DHRS2: variants seen among roughly 807,000 people sequenced by gnomAD.
DHRS2 encodes dehydrogenase/reductase 2, also known as dehydrogenase/reductase SDR family member 2, mitochondrial.
Under a neutral mutation model 26.3 loss-of-function variants are expected in DHRS2, and 29 were observed. That is an observed-to-expected ratio of 1.10 (90% CI 0.82 to 1.50). DHRS2 has a LOEUF of 1.50. Ranked by LOEUF, DHRS2 falls within the 40% of genes most tolerant of loss-of-function variation. The pLI, the probability that DHRS2 is intolerant of heterozygous loss-of-function variation, is 0.00. For synonymous variants in DHRS2, 164 were observed against 151.3 expected (o/e 1.08, Z -0.62); for missense variants, 439 against 367.1 (o/e 1.20, Z -1.60).
intron 4 of DHRS2, chr14:23,642,884 G>C: frequency 2.9e-6 from 1 of 344,968 alleles, no homozygotes; most frequent in Admixed American, 4.4e-5. Context: ...TTCTTTAAAA[G>C]GCCTGAACAT....
chr14:23,645,194 G>C lies in DHRS2; in HGVS notation c.784G>C (p.Asp262His). The C allele has an allele frequency of 6.2e-7, 1 of 1,614,190 alleles. No individual in the cohort carries two copies. Among genetic ancestry groups the C allele is most frequent in the East Asian group, 2.2e-5 (1 of 44,882 alleles). ...AGIVSFLCSP[D>H]ASYVNGENIA... ...AATCGTGTCCTTCCTGTGCTCTCCA[G>C]ATGCCAGCTACGTCAACGGGGAGAA... The change falls in exon 9 of 9, where the codon GAT (aspartate) becomes CAT (histidine). Residue 262 changes from aspartate to histidine, a missense_variant. Coordinates refer to ENST00000250383, the MANE Select transcript of DHRS2 (RefSeq NM_005794.4).
At chr14:23,636,266 GTAAAATGGACCAATCAGCTCTCCA>G (rs1594236288), upstream of DHRS2, 1 of 152,168 alleles carries the variant, frequency 6.6e-6, no homozygotes, top group Non-Finnish European at 1.5e-5. Flanking sequence ...TCAGCTCTCT[GTAAAATGGACCAATCAGCTCTCCA>G]TAAAATGGAC....
chr14:23,638,740 C>T (rs1198055026), intron 1 of DHRS2, 87 bp from the exon 2 acceptor site: 2 of 1,381,644 alleles, frequency 1.4e-6, no homozygotes, highest in Non-Finnish European at 9.8e-7. Context: ...TGTTGCTGGC[C>T]TTGTCTGTCT....
At chr14:23,632,557 G>T (rs1222394598), upstream of DHRS2, among the ~76,000 whole-genome samples, 1 of 152,222 alleles carries the variant, frequency 6.6e-6, no homozygotes, top group Non-Finnish European at 1.5e-5. Flanking sequence ...TTGACACTGA[G>T]TACAGACTGA....
upstream of DHRS2, among the ~76,000 whole-genome samples, chr14:23,634,177 C>T (rs1306666794): frequency 3.4e-5 from 5 of 147,132 alleles, no homozygotes; most frequent in African/African-American, 1.0e-4. Context: ...AAGCGACTCT[C>T]CTGCCTCAGT....
chr14:23,640,204 A>G lies in DHRS2; in HGVS notation c.420+309A>G, dbSNP rs890644520. 72 of 763,044 alleles carry G rather than the reference A, an allele frequency of 9.4e-5. No homozygotes were observed. In the Middle Eastern group the frequency reaches 1.8e-3, roughly 19 times the overall value. 47.3% of individuals were successfully genotyped at this position (763,044 alleles called of 1,614,324 possible). A position where few individuals can be genotyped will look rare whatever the true frequency, so the allele number is the denominator to read the frequency against. Reference sequence around the variant, plus strand: ...CACCACTATTCCAGGCTCTAGGGATACAGCTGTGAATGGTTAGTCAGAGTC... The same window carrying G: ...CACCACTATTCCAGGCTCTAGGGATGCAGCTGTGAATGGTTAGTCAGAGTC... On this transcript the variant is annotated intron_variant, in intron 4 of 8. Coordinates refer to ENST00000250383, the MANE Select transcript of DHRS2 (RefSeq NM_005794.4).
chr14:23,645,184 G>T lies in DHRS2; in HGVS notation c.774G>T (p.Leu258=). The stretch of plus-strand genomic sequence containing the variant: ...ACTGTGCAGGAATCGTGTCCTTCCT[G>T]TGCTCTCCAGATGCCAGCTACGTCA... The part of the protein sequence containing the change: ...SEDCAGIVSF[L]CSPDASYVNG... Residue 258 remains leucine, a synonymous_variant, in exon 9 of 9, where the codon CTG becomes CTT. Transcript: ENST00000250383. 6.2e-7 allele frequency: 1 copy of T among 1,614,168 alleles called. No individual in the cohort carries two copies. Among genetic ancestry groups the T allele is most frequent in the Non-Finnish European group, 8.5e-7 (1 of 1,180,026 alleles).
intron 4 of DHRS2, chr14:23,642,530 C>T (rs1890709505): frequency 1.3e-5 from 2 of 152,364 alleles, no homozygotes; most frequent in African/African-American, 4.8e-5. Context: ...ATCAGGCTGT[C>T]TTCAGTCTTT....
Position 23,640,411 on chromosome 14 carries a change from G to A in DHRS2, c.420+516G>A, listed in dbSNP as rs565611675. 79 of 985,476 alleles carry A rather than the reference G, an allele frequency of 8.0e-5. No individual in the cohort carries two copies. In the South Asian group the frequency reaches 1.9e-3, roughly 23 times the overall value. The allele number at this position is 985,476 out of a possible 1,614,324, so 61.0% of individuals were successfully genotyped here. On this transcript the variant is annotated intron_variant, in intron 4 of 8. Transcript: ENST00000250383. ...AGATCCAGCCATCAGCATTCCGGGG[G>A]CTTAGACATCCCAGCCTGCTGTAAG...
chr14:23,641,601 G>A, intron 4 of DHRS2: 2 of 1,288,874 alleles, frequency 1.6e-6, no homozygotes, highest in Non-Finnish European at 2.0e-6. Flanking sequence ...CCTGTGGGCT[G>A]GTTGGGGTCT....
intron 3 of DHRS2, 43 bp from the exon 4 acceptor site, chr14:23,639,751 C>T: frequency 6.4e-7 from 1 of 1,550,818 alleles, no homozygotes; most frequent in Non-Finnish European, 8.7e-7. Flanking sequence ...AGGGATAGTC[C>T]TCCTCAGGCC....
At chr14:23,633,688 C>G (rs904460107), upstream of DHRS2, among the ~76,000 whole-genome samples, 1 of 152,188 alleles carries the variant, frequency 6.6e-6, no homozygotes. Context: ...CCTCTGCTTC[C>G]TGGCTAGGAT....
In DHRS2 at chr14:23,638,613, T is replaced by C. The variant is rs1890464329; in HGVS notation, c.-38-214T>C. 6.5e-6 allele frequency: 3 copies of C among 460,436 alleles called. No individual in the cohort carries two copies. The South Asian group carries it at 8.1e-5, about 12-fold the overall frequency. 28.5% of individuals were successfully genotyped at this position (460,436 alleles called of 1,614,324 possible). On this transcript the variant is annotated intron_variant, in intron 1 of 8. Transcript: ENST00000250383. ...CTAATGAATGTTGAGTCTCACATTT[T>C]AATTTGTGAATAATTTCCCCAGTTT... is the stretch of plus-strand genomic sequence containing the variant.
At chr14:23,643,345 T>A (rs1890746173) in intron 5 of DHRS2, 126 bp downstream of exon 5, 1 of 835,996 alleles carries the variant, frequency 1.2e-6, no homozygotes, top group Non-Finnish European at 1.9e-6. Context: ...ACATCCCTCA[T>A]CTTCTTGTCC....
chr14:23,644,371 C>T (rs888797113), intron 6 of DHRS2, 38 bp from the exon 7 acceptor site: 5 of 1,611,074 alleles, frequency 3.1e-6, no homozygotes, highest in Non-Finnish European at 4.2e-6. Flanking sequence ...TTCCCCCACT[C>T]TCCCATATCC....
chr14:23,642,292 C>T (rs988869018), intron 4 of DHRS2: 1 of 379,726 alleles, frequency 2.6e-6, no homozygotes, highest in East Asian at 1.6e-4. Context: ...ATGCTGTGAA[C>T]TGTAGGCACC....
rs1890793399 is a variant in DHRS2 at position 23,644,460 on chromosome 14, A to G, written c.592A>G (p.Thr198Ala). The G allele has an allele frequency of 2.5e-6, 4 of 1,614,196 alleles. No individual in the cohort carries two copies. Among genetic ancestry groups the G allele is most frequent in the Non-Finnish European group, 3.4e-6 (4 of 1,180,042 alleles). The change falls in exon 7 of 9, where the codon ACA (threonine) becomes GCA (alanine). Residue 198 changes from threonine to alanine, a missense_variant. Coordinates refer to ENST00000250383, the MANE Select transcript of DHRS2 (RefSeq NM_005794.4). Reference protein sequence around the residue: ...SKTALLGLTRTLALELAPKDI... With the variant: ...SKTALLGLTRALALELAPKDI... The stretch of plus-strand genomic sequence containing the variant: ...GACAGCGCTGCTGGGTCTCACTAGA[A>G]CACTGGCATTGGAGCTGGCCCCCAA...
At chr14:23,638,043 T>G (rs1173527432) in intron 1 of DHRS2, 1 of 152,248 alleles carries the variant, frequency 6.6e-6, no homozygotes, top group Admixed American at 6.5e-5. Context: ...CTGCTCACTC[T>G]TTGGGTCCGC....
At chr14:23,632,588 C>T (rs1890150516), upstream of DHRS2, among the ~76,000 whole-genome samples, 1 of 152,214 alleles carries the variant, frequency 6.6e-6, no homozygotes, top group Admixed American at 6.5e-5. Context: ...ACAGTTTCTT[C>T]ACAATTCCTG....
Sources: allele counts gnomAD v4.1 joint callset (sites outside exome capture counted in the v4.1 genomes callset), GRCh38; gene constraint gnomAD v4.1.1; transcripts MANE v1.5; gene names NCBI Gene and HGNC (gene_info 2026-07-23, HGNC 2026-07-21).